Variants in GRIN2A observed in about 807,000 individuals in gnomAD.
The protein encoded by GRIN2A is glutamate ionotropic receptor NMDA type subunit 2A.
Under a neutral mutation model 113.4 loss-of-function variants are expected in GRIN2A, and 22 were observed. The ratio of observed to expected loss-of-function variants is 0.19; its 90% CI spans 0.14 to 0.28. The LOEUF (loss-of-function observed/expected upper bound fraction) is 0.28, where lower values mean the gene tolerates loss of function less well. Ranked by LOEUF, GRIN2A falls within the 10% of genes least tolerant of loss-of-function variation. The pLI is 1.00. For synonymous variants in GRIN2A, 827 were observed against 738.4 expected (o/e 1.12, Z -1.94); for missense variants, 1,502 against 1,887.0 (o/e 0.80, Z 3.78).
chr16:9,793,943 T>C (rs183838277), intron 11 of GRIN2A, among the ~76,000 whole-genome samples: 4 of 152,308 alleles, frequency 2.6e-5, no homozygotes, highest in Non-Finnish European at 4.4e-5. Context: ...GGACTGTAAG[T>C]TCATTGAGGG....
chr16:9,998,337 T>G (rs2046262234), intron 2 of GRIN2A, among the ~76,000 whole-genome samples: 1 of 152,146 alleles, frequency 6.6e-6, no homozygotes, highest in Non-Finnish European at 1.5e-5. Flanking sequence ...ATGTCCAGAA[T>G]AGGCAAATCC....
upstream of GRIN2A, chr16:10,182,469 G>A (rs2050290228): frequency 6.6e-6 from 1 of 152,242 alleles, no homozygotes; most frequent in South Asian, 2.1e-4. Flanking sequence ...AGTTTGTGAC[G>A]AGCCAGCAGT....
chr16:9,878,716 C>A (rs991445604), intron 4 of GRIN2A, among the ~76,000 whole-genome samples: 13 of 151,932 alleles, frequency 8.6e-5, no homozygotes, highest in Admixed American at 6.6e-4. Context: ...GTTTTAAGTT[C>A]TGAAATCTGA....
At chr16:10,005,591 G>A (rs1490442296) in intron 2 of GRIN2A, among the ~76,000 whole-genome samples, 1 of 152,244 alleles carries the variant, frequency 6.6e-6, no homozygotes, top group South Asian at 2.1e-4. Flanking sequence ...ACTTCCATCT[G>A]AATACTGCCA....
intron 2 of GRIN2A, among the ~76,000 whole-genome samples, chr16:9,956,103 G>A (rs765786091): frequency 2.6e-5 from 4 of 152,152 alleles, no homozygotes; most frequent in Non-Finnish European, 4.4e-5. Context: ...GCTGCTACTG[G>A]GTGAACACTG....
intron 11 of GRIN2A, among the ~76,000 whole-genome samples, chr16:9,782,716 TCAACAGGCC>T (rs1902005663): frequency 6.6e-6 from 1 of 152,190 alleles, no homozygotes; most frequent in African/African-American, 2.4e-5. Flanking sequence ...ATTCTGAATC[TCAACAGGCC>T]CATTAGGGAA....
At chr16:10,175,387 G>C (rs1171197849) in intron 2 of GRIN2A, among the ~76,000 whole-genome samples, 3 of 152,122 alleles carry the variant, frequency 2.0e-5, no homozygotes, top group African/African-American at 4.8e-5. Flanking sequence ...AGTCCACAGA[G>C]GGCAAAGCAC....
intron 10 of GRIN2A, among the ~76,000 whole-genome samples, chr16:9,812,643 A>G (rs2042108266): frequency 6.6e-6 from 1 of 152,182 alleles, no homozygotes; most frequent in Non-Finnish European, 1.5e-5. Context: ...GTCTCAAAAC[A>G]AAAACAAAAA....
intron 2 of GRIN2A, among the ~76,000 whole-genome samples, chr16:9,940,193 T>A (rs752737010): frequency 6.6e-6 from 1 of 152,102 alleles, no homozygotes; most frequent in Non-Finnish European, 1.5e-5. Flanking sequence ...TCACTAAAAG[T>A]TCTATCAGAA....
At chr16:9,933,744 A>C (rs1301654229) in intron 3 of GRIN2A, among the ~76,000 whole-genome samples, 1 of 152,228 alleles carries the variant, frequency 6.6e-6, no homozygotes, top group Non-Finnish European at 1.5e-5. Flanking sequence ...CTATAAAAAA[A>C]CCTAAATGTC....
intron 2 of GRIN2A, among the ~76,000 whole-genome samples, chr16:10,032,970 T>A (rs1177369866): frequency 6.6e-6 from 1 of 152,162 alleles, no homozygotes; most frequent in South Asian, 2.1e-4. Flanking sequence ...CTCGAACCCA[T>A]GACTACACCA....
intron 7 of GRIN2A, among the ~76,000 whole-genome samples, chr16:9,837,329 C>G (rs2042598239): frequency 1.3e-5 from 2 of 152,026 alleles, no homozygotes; most frequent in Non-Finnish European, 2.9e-5. Context: ...AAAAATGCAG[C>G]AGGAAAAGTG....
intron 3 of GRIN2A, among the ~76,000 whole-genome samples, chr16:9,910,540 T>C (rs957721117): frequency 7.5e-5 from 11 of 146,862 alleles, no homozygotes; most frequent in South Asian, 2.2e-4. Context: ...CAGAGTTCTT[T>C]TTTTTTTTTT....
In GRIN2A at chr16:9,840,898, G is replaced by T. The variant is rs2042665021; in HGVS notation, c.1497+38C>A. On this transcript the variant is annotated intron_variant, in intron 6 of 12. Coordinates refer to ENST00000330684, the MANE Select transcript of GRIN2A (RefSeq NM_001134407.3). ...CATTCCTGAGGACTGCAGGCCCTTTGTCTGAGTAAGAGCCTAGGGGATGAA... is the reference window on the plus strand; with the variant it reads ...CATTCCTGAGGACTGCAGGCCCTTTTTCTGAGTAAGAGCCTAGGGGATGAA... The T allele has an allele frequency of 2.5e-6, 4 of 1,606,766 alleles. No homozygotes were observed. In the African/African-American group the frequency reaches 5.4e-5, roughly 22 times the overall value.
chr16:10,062,864 CAA>C (rs547484672), intron 2 of GRIN2A, among the ~76,000 whole-genome samples: 10 of 126,740 alleles, frequency 7.9e-5, no homozygotes, highest in Admixed American at 1.6e-4. Flanking sequence ...GACTCTGTTT[CAA>C]AAAAAAAAAA....
At chr16:9,860,400 A>G (rs1031366762) in intron 4 of GRIN2A, among the ~76,000 whole-genome samples, 1 of 137,540 alleles carries the variant, frequency 7.3e-6, no homozygotes, top group Non-Finnish European at 1.5e-5. Flanking sequence ...GTGAGCTGAG[A>G]TTGCACCACT....
At chr16:9,781,651 G>A (rs1312482655) in intron 11 of GRIN2A, among the ~76,000 whole-genome samples, 2 of 152,122 alleles carry the variant, frequency 1.3e-5, no homozygotes, top group South Asian at 2.1e-4. Flanking sequence ...ATGAGTCACT[G>A]CACCCAGGGT....
At chr16:10,158,554 A>G (rs1456870114) in intron 2 of GRIN2A, among the ~76,000 whole-genome samples, 1 of 152,252 alleles carries the variant, frequency 6.6e-6, no homozygotes, top group Admixed American at 6.5e-5. Flanking sequence ...TAAATTAAAT[A>G]TAGTATATCC....
chr16:10,025,553 C>T (rs974502519), intron 2 of GRIN2A, among the ~76,000 whole-genome samples: 4 of 152,030 alleles, frequency 2.6e-5, no homozygotes, highest in Admixed American at 6.6e-5. Context: ...CCTCCTGCCT[C>T]GGCCTCCCTA....
Sources: allele counts gnomAD v4.1 joint callset (sites outside exome capture counted in the v4.1 genomes callset), GRCh38; gene constraint gnomAD v4.1.1; transcripts MANE v1.5; gene names NCBI Gene and HGNC (gene_info 2026-07-23, HGNC 2026-07-21).